Variants in CERT1 observed in about 807,000 individuals in gnomAD.
CERT1 encodes the protein ceramide transfer protein.
CERT1 carries 31 observed loss-of-function variants against 87.9 expected under a neutral mutation model. The observed-to-expected ratio is 0.35, with a 90% CI of 0.27 to 0.48. The LOEUF is 0.48. CERT1 is among the 20% of genes least tolerant of loss of function. CERT1 has a pLI of 0.99. For missense variants in CERT1, 487 were observed against 758.0 expected (o/e 0.64, Z 4.20); for synonymous variants, 289 against 250.9 (o/e 1.15, Z -1.44).
At chr5:75,433,993 A>C (rs887479850) in intron 3 of CERT1, among the ~76,000 whole-genome samples, 2 of 151,928 alleles carry the variant, frequency 1.3e-5, no homozygotes, top group Non-Finnish European at 2.9e-5. Flanking sequence ...CCTTCTCTTG[A>C]CTTATCGTTC....
At chr5:75,407,526 A>C (rs920638516) in intron 8 of CERT1, among the ~76,000 whole-genome samples, 10 of 151,444 alleles carry the variant, frequency 6.6e-5, no homozygotes, top group East Asian at 1.9e-4. Context: ...GGGAAAAAAA[A>C]CCCAAACAAA....
chr5:75,429,720 G>A (rs573830452), intron 3 of CERT1, among the ~76,000 whole-genome samples: 3 of 151,850 alleles, frequency 2.0e-5, no homozygotes, highest in Admixed American at 6.6e-5. Context: ...ATAGCCTGCC[G>A]TCCTCTATAT....
At chr5:75,437,068 G>A (rs1764127439) in intron 3 of CERT1, among the ~76,000 whole-genome samples, 2 of 152,170 alleles carry the variant, frequency 1.3e-5, no homozygotes, top group South Asian at 2.1e-4. Flanking sequence ...TTACAGGCAG[G>A]AGCCACTGTA....
rs1162224659 is a variant in CERT1 at position 75,384,819 on chromosome 5, G to A, written c.1418-107C>T. Reference sequence around the variant, plus strand: ...AATGGACAGTATGGTAAATTGAACAGGATCCTGCCCTATCTAGGTTACATC... The same window carrying A: ...AATGGACAGTATGGTAAATTGAACAAGATCCTGCCCTATCTAGGTTACATC... On this transcript the variant is annotated intron_variant, in intron 13 of 16. Transcript: ENST00000643780. 4 of 704,642 alleles carry A rather than the reference G, an allele frequency of 5.7e-6. No homozygotes were observed. In the African/African-American group the frequency reaches 7.1e-5, roughly 13 times the overall value. The allele number at this position is 704,642 out of a possible 1,614,324, so 43.6% of individuals were successfully genotyped here.
intron 3 of CERT1, among the ~76,000 whole-genome samples, chr5:75,427,003 T>C (rs1763644813): frequency 6.6e-6 from 1 of 152,230 alleles, no homozygotes; most frequent in South Asian, 2.1e-4. Flanking sequence ...GTTTGTGTTT[T>C]GTTATTACTA....
chr5:75,394,042 T>C (rs1039734872), intron 11 of CERT1, among the ~76,000 whole-genome samples: 1 of 152,052 alleles, frequency 6.6e-6, no homozygotes, highest in Non-Finnish European at 1.5e-5. Flanking sequence ...TAATTATTAA[T>C]AACAAAATAG....
At chr5:75,406,964 CAA>C (rs958341185) in intron 8 of CERT1, among the ~76,000 whole-genome samples, 5 of 151,828 alleles carry the variant, frequency 3.3e-5, no homozygotes, top group Admixed American at 2.0e-4. Context: ...TGATTATAAC[CAA>C]AAAGAGTCAT....
At chr5:75,377,548 A>G (rs757932337), downstream of CERT1, 1 of 152,246 alleles carries the variant, frequency 6.6e-6, no homozygotes, top group Non-Finnish European at 1.5e-5. Context: ...AAAATGAGGA[A>G]GCTCCTTACA....
At chr5:75,394,090 A>G (rs957552175) in intron 11 of CERT1, among the ~76,000 whole-genome samples, 2 of 152,240 alleles carry the variant, frequency 1.3e-5, no homozygotes, top group African/African-American at 4.8e-5. Flanking sequence ...CTAAGAACAT[A>G]GCACTTTTAG....
intron 5 of CERT1, among the ~76,000 whole-genome samples, chr5:75,420,489 G>T (rs548193634): frequency 6.6e-6 from 1 of 151,522 alleles, no homozygotes; most frequent in African/African-American, 2.4e-5. Flanking sequence ...GACTACAGGC[G>T]CCTGCCACCA....
intron 2 of CERT1, among the ~76,000 whole-genome samples, chr5:75,479,465 T>C (rs927866509): frequency 6.6e-6 from 1 of 152,140 alleles, no homozygotes; most frequent in Admixed American, 6.5e-5. Flanking sequence ...TACCCTCAAG[T>C]AGACCCCAGA....
At chr5:75,505,918 C>T in intron 2 of CERT1, 64 bp downstream of exon 2, 2 of 1,295,712 alleles carry the variant, frequency 1.5e-6, no homozygotes, top group Non-Finnish European at 1.1e-6. Flanking sequence ...ACACGTAGAA[C>T]AGTTCCTGGT....
chr5:75,432,062 T>C (rs1324900313), intron 3 of CERT1, among the ~76,000 whole-genome samples: 3 of 151,248 alleles, frequency 2.0e-5, no homozygotes, highest in South Asian at 2.1e-4. Context: ...CCCCCCTTTT[T>C]TTTTTTTGAG....
chr5:75,452,698 A>G (rs939199250), intron 3 of CERT1, among the ~76,000 whole-genome samples: 1 of 152,192 alleles, frequency 6.6e-6, no homozygotes, highest in Non-Finnish European at 1.5e-5. Flanking sequence ...TCTTTACTAG[A>G]AAAATGTTAG....
intron 11 of CERT1, among the ~76,000 whole-genome samples, chr5:75,390,340 T>C (rs973446006): frequency 2.6e-5 from 4 of 152,226 alleles, no homozygotes; most frequent in African/African-American, 9.6e-5. Flanking sequence ...TTGATTCCAA[T>C]TTCTTTGTTC....
rs1455195834 is a variant in CERT1, at chr5:75,412,432, T to TA, written c.838-1330dup. 3.3e-4 allele frequency among the ~76,000 whole-genome samples: 50 copies of TA among 152,184 alleles called. 1 individual carries two copies. The highest frequency in any genetic ancestry group is 5.3e-4 in the Non-Finnish European group (36 of 68,030). ...TGAAGAGCGTGATCATCAAAAATCA[T>TA]AAGAGAACAGATTATGCTTGTGATC... is the stretch of plus-strand genomic sequence containing the variant. On this transcript the variant is annotated intron_variant, in intron 7 of 16. Transcript: ENST00000643780.
At chr5:75,374,375 C>A, downstream of CERT1, 1 of 530,416 alleles carries the variant, frequency 1.9e-6, no homozygotes, top group South Asian at 3.0e-5. Context: ...GAACTTATTC[C>A]ATCAGCAAGG....
intron 4 of CERT1, 42 bp downstream of exon 4, chr5:75,426,329 C>A: frequency 7.3e-7 from 1 of 1,378,136 alleles, no homozygotes; most frequent in South Asian, 1.2e-5. Flanking sequence ...ATACTAAACT[C>A]AATTTATGTT....
intron 12 of CERT1, 104 bp from the exon 13 acceptor site, chr5:75,386,138 G>C: frequency 8.0e-6 from 7 of 876,082 alleles, no homozygotes; most frequent in Non-Finnish European, 1.1e-5. Context: ...TTTTATGAAA[G>C]TCTATTTATA....
Sources: allele counts gnomAD v4.1 joint callset (sites outside exome capture counted in the v4.1 genomes callset), GRCh38; gene constraint gnomAD v4.1.1; transcripts MANE v1.5; gene names NCBI Gene and HGNC (gene_info 2026-07-23, HGNC 2026-07-21).